The following GRM8 variants were observed in gnomAD, a reference collection of about 807,000 sequenced individuals.
The protein encoded by GRM8 is metabotropic glutamate receptor 8.
GRM8 carries 47 observed loss-of-function variants against 87.2 expected under a neutral mutation model. The observed-to-expected ratio is 0.54, with a 90% CI of 0.43 to 0.69. GRM8 has a LOEUF of 0.69. GRM8 is among the 30% of genes least tolerant of loss of function. The pLI is 0.00. For missense variants in GRM8, 1,019 were observed against 1,139.2 expected (o/e 0.89, Z 1.52); for synonymous variants, 396 against 404.5 (o/e 0.98, Z 0.25).
intron 6 of GRM8, among the ~76,000 whole-genome samples, chr7:126,824,574 C>A (rs1047601674): frequency 2.0e-5 from 3 of 152,054 alleles, no homozygotes; most frequent in Non-Finnish European, 4.4e-5. Flanking sequence ...TGTGTCCTAC[C>A]AACTGTGGCT....
chr7:126,973,919 A>T (rs956179640), intron 3 of GRM8, among the ~76,000 whole-genome samples: 12 of 152,190 alleles, frequency 7.9e-5, no homozygotes, highest in Admixed American at 1.3e-4. Flanking sequence ...AATGAACAAC[A>T]TGAGGATTAT....
At chr7:127,121,088 T>A (rs896487989) in intron 2 of GRM8, among the ~76,000 whole-genome samples, 5 of 152,248 alleles carry the variant, frequency 3.3e-5, no homozygotes, top group African/African-American at 4.8e-5. Flanking sequence ...TTGTCATCGA[T>A]ACATTTTCCA....
intron 10 of GRM8, among the ~76,000 whole-genome samples, chr7:126,443,257 G>T (rs566994244): frequency 1.3e-5 from 2 of 151,862 alleles, no homozygotes; most frequent in African/African-American, 4.8e-5. Context: ...AACTCCCCTC[G>T]CACTCTGTTG....
intron 7 of GRM8, among the ~76,000 whole-genome samples, chr7:126,671,496 C>T (rs1336971320): frequency 2.0e-5 from 3 of 152,190 alleles, no homozygotes; most frequent in African/African-American, 7.2e-5. Context: ...AATCACGTTT[C>T]AAAACTTATC....
intron 3 of GRM8, among the ~76,000 whole-genome samples, chr7:127,067,402 A>G (rs763161222): frequency 2.0e-5 from 3 of 152,198 alleles, no homozygotes; most frequent in Non-Finnish European, 2.9e-5. Flanking sequence ...GTTCATGTAA[A>G]CAGCACACAG....
At chr7:126,830,977 C>T (rs1444507671) in intron 6 of GRM8, among the ~76,000 whole-genome samples, 1 of 152,204 alleles carries the variant, frequency 6.6e-6, no homozygotes, top group Non-Finnish European at 1.5e-5. Context: ...ACTCCAGACC[C>T]TGTTTGCCTG....
intron 6 of GRM8, among the ~76,000 whole-genome samples, chr7:126,818,330 G>A (rs574444690): frequency 5.9e-5 from 9 of 152,100 alleles, no homozygotes; most frequent in Non-Finnish European, 8.8e-5. Context: ...CCTAAAACCC[G>A]TTAAATCTAA....
intron 9 of GRM8, among the ~76,000 whole-genome samples, chr7:126,521,000 C>G (rs1562913676): frequency 6.6e-6 from 1 of 152,148 alleles, no homozygotes; most frequent in African/African-American, 2.4e-5. Context: ...GACAGCACTA[C>G]AGTGATAAGC....
At chr7:126,871,943 A>G (rs1017019215) in intron 6 of GRM8, among the ~76,000 whole-genome samples, 1 of 152,186 alleles carries the variant, frequency 6.6e-6, no homozygotes, top group Non-Finnish European at 1.5e-5. Flanking sequence ...AATATATATG[A>G]TTCATAAGAT....
intron 8 of GRM8, among the ~76,000 whole-genome samples, chr7:126,550,468 A>T (rs1054645259): frequency 2.0e-5 from 3 of 152,194 alleles, no homozygotes; most frequent in Non-Finnish European, 2.9e-5. Flanking sequence ...AAGTTTTTTT[A>T]AAGAAAACTT....
Position 127,004,782 on chromosome 7 carries a change from A to G in GRM8, c.728-100099T>C, listed in dbSNP as rs759586497. On this transcript the variant is annotated intron_variant, in intron 3 of 10. Transcript: ENST00000339582. ...ATGTCTAGTAGGTGAAATTTGAGTT[A>G]TTACATGTTTCTCTGGACTTTCCTC... Among the ~76,000 whole-genome samples, 98 of 151,688 alleles carry G rather than the reference A, an allele frequency of 6.5e-4. 1 individual carries two copies. Among genetic ancestry groups the G allele is most frequent in the Non-Finnish European group, 5.0e-4 (34 of 67,720 alleles).
At chr7:127,232,128 T>C (rs768980336) in intron 2 of GRM8, among the ~76,000 whole-genome samples, 4 of 151,822 alleles carry the variant, frequency 2.6e-5, no homozygotes, top group Non-Finnish European at 4.4e-5. Flanking sequence ...GAAAACTAGA[T>C]AGGCTTGCCC....
intron 5 of GRM8, among the ~76,000 whole-genome samples, chr7:126,903,355 GTT>G: frequency 6.6e-6 from 1 of 151,984 alleles, no homozygotes; most frequent in East Asian, 1.9e-4. Context: ...AGTCTTTCCT[GTT>G]GCATTTATTT....
rs1428647737 is a variant in GRM8, at chr7:126,438,789, A to G, written c.*330T>C. 2 of 239,474 alleles carry G rather than the reference A, an allele frequency of 8.4e-6. No individual in the cohort carries two copies. The highest frequency in any genetic ancestry group is 1.6e-5 in the Non-Finnish European group (2 of 122,576). 14.8% of individuals were successfully genotyped at this position (239,474 alleles called of 1,614,324 possible). On this transcript the variant is annotated 3_prime_UTR_variant, in exon 11 of 11. Transcript: ENST00000339582. ...AACGGGAGTTCTCACAATCACAGAA[A>G]AATACAAGAATAACATCAGACATTA...
At chr7:127,002,968 G>A (rs1021881143) in intron 3 of GRM8, among the ~76,000 whole-genome samples, 1 of 151,568 alleles carries the variant, frequency 6.6e-6, no homozygotes, top group African/African-American at 2.4e-5. Flanking sequence ...GGGGAATTGG[G>A]GTCTAAGATC....
chr7:127,095,339 A>G (rs1824543063), intron 3 of GRM8, among the ~76,000 whole-genome samples: 1 of 152,176 alleles, frequency 6.6e-6, no homozygotes, highest in South Asian at 2.1e-4. Flanking sequence ...GCTAAGACCC[A>G]GGAACTGAAC....
intron 3 of GRM8, among the ~76,000 whole-genome samples, chr7:126,943,254 C>A (rs1807166377): frequency 6.6e-6 from 1 of 152,178 alleles, no homozygotes; most frequent in Non-Finnish European, 1.5e-5. Flanking sequence ...CACAATCACT[C>A]AAAAGATGCC....
intron 8 of GRM8, among the ~76,000 whole-genome samples, chr7:126,537,702 G>A (rs1376582204): frequency 3.9e-5 from 6 of 151,960 alleles, no homozygotes; most frequent in African/African-American, 7.2e-5. Flanking sequence ...CTGTGAACCC[G>A]GGAGGCGGAG....
intron 2 of GRM8, among the ~76,000 whole-genome samples, chr7:127,169,691 T>C (rs956531069): frequency 1.3e-5 from 2 of 152,234 alleles, no homozygotes; most frequent in Non-Finnish European, 2.9e-5. Flanking sequence ...AGGGCTAATG[T>C]GGCTGGTAAC....
Sources: gnomAD v4.1 joint callset for allele counts (sites outside exome capture counted in the v4.1 genomes callset) on GRCh38, gnomAD v4.1.1 for gene constraint, MANE v1.5 for transcripts, NCBI Gene and HGNC (gene_info 2026-07-23, HGNC 2026-07-21) for gene names.